The following IL1RAPL1 variants were observed in gnomAD, a reference collection of about 807,000 sequenced individuals.
The protein encoded by IL1RAPL1 is interleukin-1 receptor accessory protein-like 1.
IL1RAPL1 carries 3 observed loss-of-function variants against 48.4 expected under a neutral mutation model. The observed-to-expected ratio is 0.06, with a 90% CI of 0.03 to 0.16. The LOEUF (loss-of-function observed/expected upper bound fraction) is 0.16. IL1RAPL1 is among the 10% of genes least tolerant of loss of function. The pLI, the probability that IL1RAPL1 is intolerant of heterozygous loss-of-function variation, is 1.00. For synonymous variants in IL1RAPL1, 185 were observed against 187.7 expected, an observed-to-expected ratio of 0.99 and a Z score of 0.12; for missense variants, 349 against 530.6, an observed-to-expected ratio of 0.66 and a Z score of 3.36.
intron 5 of IL1RAPL1, among the ~76,000 whole-genome samples, chrX:29,512,096 A>G (rs1297513061): frequency 2.7e-5 from 3 of 110,359 alleles, no homozygotes; most frequent in Non-Finnish European, 5.7e-5. Flanking sequence ...TCTTTATTAT[A>G]TATATATATA....
intron 1 of IL1RAPL1, among the ~76,000 whole-genome samples, chrX:28,687,010 G>A (rs954613561): frequency 8.1e-5 from 9 of 111,654 alleles, no homozygotes; most frequent in African/African-American, 1.3e-4. Flanking sequence ...AAAGAAACTA[G>A]TTTACTTGTA....
intron 2 of IL1RAPL1, among the ~76,000 whole-genome samples, chrX:28,899,191 C>T (rs1923010175): frequency 9.0e-6 from 1 of 111,404 alleles, no homozygotes; most frequent in Non-Finnish European, 1.9e-5. Flanking sequence ...GAACTCACTA[C>T]AAGAGAACAG....
intron 1 of IL1RAPL1, among the ~76,000 whole-genome samples, chrX:28,631,554 C>T (rs896049762): frequency 2.7e-5 from 3 of 112,241 alleles, no homozygotes; most frequent in African/African-American, 9.7e-5. Flanking sequence ...TCCTTCAAAC[C>T]GTCATGGTTC....
At chrX:29,173,545 A>G (rs1046104624) in intron 2 of IL1RAPL1, among the ~76,000 whole-genome samples, 4 of 111,598 alleles carry the variant, frequency 3.6e-5, no homozygotes, top group Non-Finnish European at 5.6e-5. Flanking sequence ...TTTCCTTATC[A>G]TTGCTAATGG....
chrX:29,705,367 A>G (rs1198193382), intron 6 of IL1RAPL1, among the ~76,000 whole-genome samples: 1 of 110,211 alleles, frequency 9.1e-6, no homozygotes, highest in Non-Finnish European at 1.9e-5. Flanking sequence ...GGCGCCCACC[A>G]CCACACCCAA....
chrX:29,662,761 A>G (rs1463417938), intron 5 of IL1RAPL1, among the ~76,000 whole-genome samples: 2 of 111,487 alleles, frequency 1.8e-5, no homozygotes, highest in Non-Finnish European at 3.8e-5. Flanking sequence ...TCTCCTTGGC[A>G]TGACTCTTAA....
chrX:29,725,500 A>G (rs1225046470), intron 6 of IL1RAPL1, among the ~76,000 whole-genome samples: 1 of 111,316 alleles, frequency 9.0e-6, no homozygotes, highest in Non-Finnish European at 1.9e-5. Flanking sequence ...CCTCCTAACT[A>G]GATCAGTGCC....
At chrX:28,893,892 A>G (rs1601947453) in intron 2 of IL1RAPL1, among the ~76,000 whole-genome samples, 1 of 111,424 alleles carries the variant, frequency 9.0e-6, no homozygotes, top group African/African-American at 3.3e-5. Flanking sequence ...TGGAAGTTTC[A>G]GCGGGGGAGT....
In IL1RAPL1 at chrX:28,738,019, GA is replaced by G. The variant is rs756097633; in HGVS notation, c.-24-51295del. Among the ~76,000 whole-genome samples, 417 of 111,307 alleles carry G rather than the reference GA, an allele frequency of 3.7e-3. 5 individuals carry two copies. Among genetic ancestry groups the G allele is most frequent in the African/African-American group, 0.013 (396 of 30,682 alleles). Reference sequence around the variant, plus strand: ...GAGGGAGGGAAGGAAAAAAAAAGGGGAAAAAAGAAGGGAAATAATTATCCAT... The same window carrying G: ...GAGGGAGGGAAGGAAAAAAAAAGGGGAAAAAGAAGGGAAATAATTATCCAT... On this transcript the variant is annotated intron_variant, in intron 1 of 10. Coordinates refer to ENST00000378993, the MANE Select transcript of IL1RAPL1 (RefSeq NM_014271.4).
At chrX:29,269,399 CT>C (rs1932005275) in intron 2 of IL1RAPL1, among the ~76,000 whole-genome samples, 1 of 111,179 alleles carries the variant, frequency 9.0e-6, no homozygotes, top group Non-Finnish European at 1.9e-5. Context: ...AGTACTTCAC[CT>C]CAAATTTATC....
At chrX:29,509,708 C>T in intron 5 of IL1RAPL1, among the ~76,000 whole-genome samples, 1 of 111,069 alleles carries the variant, frequency 9.0e-6, no homozygotes, top group South Asian at 3.7e-4. Flanking sequence ...CACACCACTA[C>T]CACTGCCATA....
intron 2 of IL1RAPL1, among the ~76,000 whole-genome samples, chrX:29,281,569 A>G (rs1932202451): frequency 9.0e-6 from 1 of 111,533 alleles, no homozygotes; most frequent in South Asian, 3.8e-4. Context: ...AGTCAGAGCA[A>G]AGTGACTGTT....
At chrX:29,644,384 G>C (rs1385542150) in intron 5 of IL1RAPL1, among the ~76,000 whole-genome samples, 2 of 111,694 alleles carry the variant, frequency 1.8e-5, no homozygotes, top group East Asian at 5.6e-4. Flanking sequence ...TCCTTCCTGG[G>C]CAAACAGATA....
chrX:28,958,690 C>A (rs772558293), intron 2 of IL1RAPL1, among the ~76,000 whole-genome samples: 67 of 111,604 alleles, frequency 6.0e-4, no homozygotes, highest in African/African-American at 2.1e-3. Context: ...TAACTTCAAA[C>A]CTTCTAGAAA....
intron 1 of IL1RAPL1, among the ~76,000 whole-genome samples, chrX:28,710,293 G>A (rs2146934463): frequency 9.7e-6 from 1 of 103,405 alleles, no homozygotes; most frequent in Admixed American, 1.1e-4. Flanking sequence ...TTATATAACA[G>A]AAGTATATCA....
Position 28,871,677 on chromosome X carries a change from C to T in IL1RAPL1, c.82+82252C>T, listed in dbSNP as rs1302353742. Among the ~76,000 whole-genome samples the T allele has an allele frequency of 2.6e-4, 29 of 111,349 alleles. No individual in the cohort carries two copies. In the Admixed American group the frequency reaches 2.8e-3, roughly 11 times the overall value. ...CAGGAATGTACATTTTATCAGTAACCCCAGGTGATTAGGGTAGGGTCCAGG... is the reference window on the plus strand; with the variant it reads ...CAGGAATGTACATTTTATCAGTAACTCCAGGTGATTAGGGTAGGGTCCAGG... On this transcript the variant is annotated intron_variant, in intron 2 of 10. Coordinates refer to ENST00000378993, the MANE Select transcript of IL1RAPL1 (RefSeq NM_014271.4).
Position 28,661,909 on chromosome X carries a change from A to G in IL1RAPL1, c.-25+73862A>G, listed in dbSNP as rs918075687. ...AATTATGCTACGTGCTTGTCCCTGC[A>G]TAAGAGTAGCAAATACTGAAAGTAC... On this transcript the variant is annotated intron_variant, in intron 1 of 10. Transcript: ENST00000378993. Among the ~76,000 whole-genome samples, 4 of 111,691 alleles carry G rather than the reference A, an allele frequency of 3.6e-5. No individual in the cohort carries two copies. The East Asian group carries it at 8.5e-4, about 24-fold the overall frequency.
intron 2 of IL1RAPL1, among the ~76,000 whole-genome samples, chrX:28,940,504 T>C (rs1279592620): frequency 5.4e-5 from 6 of 111,300 alleles, no homozygotes; most frequent in African/African-American, 1.6e-4. Flanking sequence ...TATGATCTTT[T>C]TGTCAAATAA....
intron 2 of IL1RAPL1, among the ~76,000 whole-genome samples, chrX:28,925,268 T>C (rs912631589): frequency 5.4e-5 from 6 of 112,025 alleles, no homozygotes; most frequent in Non-Finnish European, 1.1e-4. Context: ...TAAATGAATA[T>C]TTTAAATTCC....
Sources: allele counts gnomAD v4.1 joint callset (sites outside exome capture counted in the v4.1 genomes callset), GRCh38; gene constraint gnomAD v4.1.1; transcripts MANE v1.5; gene names NCBI Gene and HGNC (gene_info 2026-07-23, HGNC 2026-07-21).